DEPDC1B: variants seen among roughly 807,000 people sequenced by gnomAD.
DEPDC1B encodes the protein DEP domain-containing protein 1B.
A neutral mutation model predicts 66.5 loss-of-function variants in DEPDC1B; 51 were observed. The observed-to-expected ratio is 0.77, with a 90% CI of 0.61 to 0.97. DEPDC1B has a LOEUF of 0.97. Ranked by LOEUF, DEPDC1B falls within the 50% of genes least tolerant of loss-of-function variation. DEPDC1B has a pLI of 0.00. For missense variants in DEPDC1B, 552 were observed against 637.1 expected (o/e 0.87, Z 1.44); for synonymous variants, 226 against 223.6 (o/e 1.01, Z -0.10).
At chr5:60,660,667 C>G (rs1753693252) in intron 2 of DEPDC1B, among the ~76,000 whole-genome samples, 1 of 152,200 alleles carries the variant, frequency 6.6e-6, no homozygotes, top group Non-Finnish European at 1.5e-5. Context: ...CAGTTCAGAA[C>G]TATCCTAAGT....
rs755463243 is a variant in DEPDC1B at position 60,597,933 on chromosome 5, C to T, written c.1429-19G>A. On this transcript the variant is annotated intron_variant, in intron 10 of 10. Coordinates refer to ENST00000265036, the MANE Select transcript of DEPDC1B (RefSeq NM_018369.3). Reference sequence around the variant, plus strand: ...TCTGAAACTAAAAAAATGAATGGTCCAAGAAGAGTAAAAAAAGACACATAA... The same window carrying T: ...TCTGAAACTAAAAAAATGAATGGTCTAAGAAGAGTAAAAAAAGACACATAA... 6 of 1,549,794 alleles carry T rather than the reference C, an allele frequency of 3.9e-6. No homozygotes were observed. In the East Asian group the frequency reaches 9.3e-5, roughly 24 times the overall value.
At chr5:60,699,919 G>C in intron 1 of DEPDC1B, 127 bp downstream of exon 1, 1 of 1,173,026 alleles carries the variant, frequency 8.5e-7, no homozygotes, top group Non-Finnish European at 1.2e-6. Context: ...AGTAGTCCCA[G>C]CTGAAATGCT....
chr5:60,694,259 C>A (rs764029317), intron 1 of DEPDC1B, among the ~76,000 whole-genome samples: 1 of 152,116 alleles, frequency 6.6e-6, no homozygotes, highest in African/African-American at 2.4e-5. Flanking sequence ...TCCTAAAACA[C>A]GCTTTTGCAC....
At chr5:60,616,417 C>G (rs942728373) in intron 7 of DEPDC1B, among the ~76,000 whole-genome samples, 1 of 152,074 alleles carries the variant, frequency 6.6e-6, no homozygotes, top group Admixed American at 6.5e-5. Flanking sequence ...GAACGGCTAA[C>G]TAGAATAACC....
At chr5:60,612,197 T>G (rs1752426526) in intron 7 of DEPDC1B, among the ~76,000 whole-genome samples, 1 of 151,646 alleles carries the variant, frequency 6.6e-6, no homozygotes, top group Non-Finnish European at 1.5e-5. Context: ...CTGAGGTGAG[T>G]GGATCACCTG....
chr5:60,614,321 C>T (rs1324531581), intron 7 of DEPDC1B, among the ~76,000 whole-genome samples: 1 of 152,110 alleles, frequency 6.6e-6, no homozygotes, highest in Non-Finnish European at 1.5e-5. Flanking sequence ...TTTTTTTACA[C>T]TTTCTTTCTA....
intron 2 of DEPDC1B, among the ~76,000 whole-genome samples, chr5:60,670,767 T>C (rs953281852): frequency 2.6e-5 from 4 of 152,206 alleles, no homozygotes; most frequent in African/African-American, 7.2e-5. Context: ...TTCCCATCTC[T>C]ATAACCCTGG....
intron 2 of DEPDC1B, among the ~76,000 whole-genome samples, chr5:60,672,720 C>T (rs1490247456): frequency 6.6e-6 from 1 of 152,134 alleles, no homozygotes; most frequent in East Asian, 1.9e-4. Context: ...GATGAGGTCA[C>T]AGAGATTCAG....
rs1029768334 is a variant in DEPDC1B at position 60,694,085 on chromosome 5, T to C, written c.48+5961A>G. Among the ~76,000 whole-genome samples, 3 of 152,154 alleles carry C rather than the reference T, an allele frequency of 2.0e-5. No homozygotes were observed. The East Asian group carries it at 5.8e-4, about 29-fold the overall frequency. On this transcript the variant is annotated intron_variant, in intron 1 of 10. Transcript: ENST00000265036. ...TTAATTACAGAAGTAATAACACTCA[T>C]TGAAACAAACAAATTAAATACAGAA...
At chr5:60,688,325 AT>A (rs1174401934) in intron 1 of DEPDC1B, among the ~76,000 whole-genome samples, 6 of 152,184 alleles carry the variant, frequency 3.9e-5, no homozygotes, top group African/African-American at 1.4e-4. Context: ...TGTGCATGAC[AT>A]CTTCAGATAC....
At chr5:60,675,980 T>C (rs1754149434) in intron 2 of DEPDC1B, among the ~76,000 whole-genome samples, 1 of 151,710 alleles carries the variant, frequency 6.6e-6, no homozygotes, top group African/African-American at 2.4e-5. Flanking sequence ...AGGCCTGGAA[T>C]GCACTGGCAC....
rs762083558 is a variant in DEPDC1B at position 60,645,593 on chromosome 5, G to A, written c.477C>T (p.His159=). ...CTGGCACCTCTCCAATTGCAATACTGTGACGCTTGTACCACATCTCAGAAT... is the reference window on the plus strand; with the variant it reads ...CTGGCACCTCTCCAATTGCAATACTATGACGCTTGTACCACATCTCAGAAT... ...VMNSEMWYKR[H]SIAIGEVPAC... is the part of the protein sequence containing the mutation. The change falls in exon 4 of 11, where the codon CAC becomes CAT. Residue 159 remains histidine (H), a synonymous_variant. Coordinates refer to ENST00000265036, the MANE Select transcript of DEPDC1B (RefSeq NM_018369.3). The A allele has an allele frequency of 6.2e-7, 1 of 1,612,600 alleles. No homozygotes were observed. The highest frequency in any genetic ancestry group is 1.1e-5 in the South Asian group (1 of 90,918).
chr5:60,616,645 C>A (rs1445893747), intron 7 of DEPDC1B, among the ~76,000 whole-genome samples: 1 of 152,142 alleles, frequency 6.6e-6, no homozygotes, highest in Non-Finnish European at 1.5e-5. Flanking sequence ...TGTGAAAAGA[C>A]CAAATCTATA....
intron 2 of DEPDC1B, among the ~76,000 whole-genome samples, chr5:60,668,233 T>TTATATATATATATAAAATGGATATTA (rs1561385156): frequency 1.8e-4 from 5 of 27,074 alleles, no homozygotes; most frequent in African/African-American, 6.8e-4. Flanking sequence ...AATGGATATT[T>TTATATATATATATAAAATGGATATTA]TATATATATA....
intron 1 of DEPDC1B, among the ~76,000 whole-genome samples, chr5:60,699,460 A>AAAAAAAAAAAAAAAAAG (rs1287753169): frequency 1.3e-5 from 1 of 76,312 alleles, no homozygotes; most frequent in African/African-American, 4.4e-5. Context: ...AAAAAAAAAA[A>AAAAAAAAAAAAAAAAAG]AACAGGAACT....
At chr5:60,693,038 T>C (rs2112046566) in intron 1 of DEPDC1B, among the ~76,000 whole-genome samples, 1 of 152,246 alleles carries the variant, frequency 6.6e-6, no homozygotes, top group East Asian at 1.9e-4. Context: ...AGTAATATGA[T>C]ATTCCTTGAT....
intron 2 of DEPDC1B, among the ~76,000 whole-genome samples, chr5:60,660,005 T>C (rs1561379734): frequency 1.3e-5 from 2 of 152,104 alleles, no homozygotes; most frequent in Non-Finnish European, 2.9e-5. Context: ...CAACTGGAAC[T>C]GGATCTACAA....
chr5:60,650,654 A>T (rs76705107), intron 2 of DEPDC1B, among the ~76,000 whole-genome samples: 3,122 of 152,314 alleles, frequency 0.02, 103 homozygotes, highest in African/African-American at 0.07. Flanking sequence ...GACATTACAG[A>T]TCAGTGGGAA....
intron 7 of DEPDC1B, among the ~76,000 whole-genome samples, chr5:60,619,248 T>C (rs1752643505): frequency 6.6e-6 from 1 of 152,186 alleles, no homozygotes; most frequent in Admixed American, 6.5e-5. Flanking sequence ...ATGTCCTCTC[T>C]CACCACTCCT....
Sources: allele counts gnomAD v4.1 joint callset (sites outside exome capture counted in the v4.1 genomes callset), GRCh38; gene constraint gnomAD v4.1.1; transcripts MANE v1.5; gene names NCBI Gene and HGNC (gene_info 2026-07-23, HGNC 2026-07-21).